The following TMEM63C variants were observed in gnomAD, a reference collection of about 807,000 sequenced individuals.
TMEM63C encodes transmembrane protein 63C.
TMEM63C carries 32 observed loss-of-function variants against 99.2 expected under a neutral mutation model. The observed-to-expected ratio is 0.32, with a 90% CI of 0.24 to 0.43. TMEM63C has a LOEUF of 0.43. Ranked by LOEUF, TMEM63C falls within the 20% of genes least tolerant of loss-of-function variation. The probability of loss-of-function intolerance (pLI) is 1.00; values close to 1 mark genes in which losing one functional copy is unlikely to be tolerated. For missense variants in TMEM63C, 826 were observed against 1,053.0 expected (o/e 0.78, Z 2.98); for synonymous variants, 376 against 397.9 (o/e 0.94, Z 0.66).
chr14:77,247,483 G>A (rs57290399), intron 18 of TMEM63C, among the ~76,000 whole-genome samples: 5 of 152,038 alleles, frequency 3.3e-5, no homozygotes, highest in Admixed American at 6.5e-5. Context: ...TTACAGGCTT[G>A]AGCCACCACA....
chr14:77,205,963 C>T (rs12434253), intron 1 of TMEM63C, among the ~76,000 whole-genome samples: 24,553 of 152,142 alleles, frequency 0.16, 2,316 homozygotes, highest in Middle Eastern at 0.29. Flanking sequence ...ACAGTTGCCA[C>T]CTCTTCTCTG....
At chr14:77,215,034 G>T (rs1888556287) in intron 2 of TMEM63C, among the ~76,000 whole-genome samples, 1 of 151,986 alleles carries the variant, frequency 6.6e-6, no homozygotes. Flanking sequence ...CATACTTGCT[G>T]GGGGGAAGCC....
chr14:77,239,835 C>T, intron 12 of TMEM63C, 109 bp downstream of exon 12: 1 of 1,414,382 alleles, frequency 7.1e-7, no homozygotes, highest in East Asian at 2.5e-5. Context: ...CTCAGGTCTG[C>T]TCTAGTGCTC....
Position 77,249,339 on chromosome 14 carries a change from A to G in TMEM63C, c.1919A>G (p.Tyr640Cys), listed in dbSNP as rs753325329. The G allele has an allele frequency of 1.2e-6, 2 of 1,613,970 alleles. No homozygotes were observed. Among genetic ancestry groups the G allele is most frequent in the Non-Finnish European group, 1.7e-6 (2 of 1,179,896 alleles). The change falls in exon 21 of 24, where the codon TAC becomes TGC. Residue 640 changes from tyrosine (Y) to cysteine (C), a missense_variant. Coordinates refer to ENST00000298351, the MANE Select transcript of TMEM63C (RefSeq NM_020431.4). ...MKHLTDRYNM[Y>C]YSFAPTKLNE... ...CACTTGACGGATCGCTATAACATGT[A>G]CTACTCCTTTGCACCCACCAAACTG...
intron 5 of TMEM63C, among the ~76,000 whole-genome samples, chr14:77,224,649 A>C (rs365831): frequency 0.18 from 26,745 of 150,902 alleles, 2,595 homozygotes; most frequent in Non-Finnish European, 0.22. Flanking sequence ...ACCTTTCCCC[A>C]CCACCCAGAA....
intron 14 of TMEM63C, 108 bp from the exon 15 acceptor site, chr14:77,242,795 T>C (rs894617917): frequency 1.5e-6 from 2 of 1,336,454 alleles, no homozygotes; most frequent in Non-Finnish European, 2.1e-6. Flanking sequence ...CCCAGGAGGC[T>C]GGATTAGACC....
At chr14:77,198,772 A>C (rs1888250378) in intron 1 of TMEM63C, among the ~76,000 whole-genome samples, 1 of 152,198 alleles carries the variant, frequency 6.6e-6, no homozygotes. Flanking sequence ...GAAGCAGCGC[A>C]GCTCTGCTTG....
At chr14:77,250,561 C>T (rs1889343239) in intron 21 of TMEM63C, among the ~76,000 whole-genome samples, 1 of 151,884 alleles carries the variant, frequency 6.6e-6, no homozygotes, top group Non-Finnish European at 1.5e-5. Flanking sequence ...TGCCTCAGCC[C>T]CCTGAGTTGC....
chr14:77,256,013 T>C (rs552112868), intron 23 of TMEM63C, among the ~76,000 whole-genome samples: 13 of 152,356 alleles, frequency 8.5e-5, no homozygotes, highest in South Asian at 8.3e-4. Context: ...TGTTTTTCTA[T>C]CTGCTGCCGT....
chr14:77,240,381 C>A, intron 12 of TMEM63C, 94 bp from the exon 13 acceptor site: 1 of 1,435,106 alleles, frequency 7.0e-7, no homozygotes, highest in African/African-American at 1.4e-5. Flanking sequence ...AAGGCCACCA[C>A]AATCCAGGGA....
intron 5 of TMEM63C, among the ~76,000 whole-genome samples, chr14:77,225,070 A>G (rs868625473): frequency 5.9e-5 from 9 of 152,174 alleles, no homozygotes; most frequent in Non-Finnish European, 7.3e-5. Flanking sequence ...GTAGGAGCCC[A>G]CTGGACCACA....
chr14:77,253,918 T>C (rs879529766), intron 23 of TMEM63C, among the ~76,000 whole-genome samples: 14 of 152,154 alleles, frequency 9.2e-5, no homozygotes, highest in Admixed American at 2.6e-4. Context: ...TGAAGGGGAA[T>C]GGGCACAAGC....
intron 1 of TMEM63C, among the ~76,000 whole-genome samples, chr14:77,201,888 G>A (rs998818124): frequency 2.0e-4 from 31 of 152,196 alleles, no homozygotes; most frequent in Non-Finnish European, 4.4e-5. Context: ...CACTCCTGAG[G>A]CTGAGATCAT....
At chr14:77,231,796 A>G (rs1888948410) in intron 7 of TMEM63C, 66 bp downstream of exon 7, 1 of 1,532,494 alleles carries the variant, frequency 6.5e-7, no homozygotes, top group Non-Finnish European at 8.8e-7. Flanking sequence ...CAAGCCAGTC[A>G]GGGCTGGGGT....
chr14:77,246,600 TG>T lies in TMEM63C; in HGVS notation c.1536-8del, dbSNP rs1214118051. ...CTAACTAACAGACCTGCCTTGTTTT[TG>T]CTTCTAGTTTGGATGTCTTTCTCCG... is the stretch of plus-strand genomic sequence containing the variant. On this transcript the variant is annotated splice_polypyrimidine_tract_variant and splice_region_variant and intron_variant, in intron 17 of 23. Coordinates refer to ENST00000298351, the MANE Select transcript of TMEM63C (RefSeq NM_020431.4). The T allele has an allele frequency of 1.2e-6, 2 of 1,611,916 alleles. No individual in the cohort carries two copies. The highest frequency in any genetic ancestry group is 1.7e-6 in the Non-Finnish European group (2 of 1,178,880).
intron 15 of TMEM63C, among the ~76,000 whole-genome samples, chr14:77,243,603 A>G (rs926207028): frequency 1.3e-5 from 2 of 152,090 alleles, no homozygotes; most frequent in Non-Finnish European, 2.9e-5. Context: ...CCCTGGAGGA[A>G]CCATCTCTGA....
At chr14:77,225,613 C>T (rs1238616180) in intron 6 of TMEM63C, among the ~76,000 whole-genome samples, 152 bp downstream of exon 6, 1 of 152,214 alleles carries the variant, frequency 6.6e-6, no homozygotes, top group Admixed American at 6.5e-5. Context: ...GTGAAGGATG[C>T]TTTCCTGGGG....
chr14:77,235,422 TGG>T (rs1491119800), intron 8 of TMEM63C, among the ~76,000 whole-genome samples: 5 of 36,222 alleles, frequency 1.4e-4, no homozygotes, highest in South Asian at 2.5e-3. Flanking sequence ...CTGTGATGGG[TGG>T]GGAAGGTGTC....
chr14:77,218,240 A>AAGGG (rs1555347417), intron 2 of TMEM63C, among the ~76,000 whole-genome samples: 7 of 138,476 alleles, frequency 5.1e-5, no homozygotes, highest in Non-Finnish European at 9.4e-5. Flanking sequence ...TAAAAAAAAA[A>AAGGG]GAGGGGGGTG....
Sources: gnomAD v4.1 joint callset for allele counts (sites outside exome capture counted in the v4.1 genomes callset) on GRCh38, gnomAD v4.1.1 for gene constraint, MANE v1.5 for transcripts, NCBI Gene and HGNC (gene_info 2026-07-23, HGNC 2026-07-21) for gene names.